The following ERBB4 variants were observed in gnomAD, a reference collection of about 807,000 sequenced individuals.
ERBB4 encodes receptor tyrosine-protein kinase erbB-4.
A neutral mutation model predicts 158.0 loss-of-function variants in ERBB4; 42 were observed. That is an observed-to-expected ratio of 0.27 (90% confidence interval 0.21 to 0.34). ERBB4 has a LOEUF of 0.34. Ranked by LOEUF, ERBB4 falls within the 10% of genes least tolerant of loss-of-function variation. ERBB4 has a pLI of 1.00. For synonymous variants in ERBB4, 583 were observed against 558.7 expected (o/e 1.04, Z -0.61); for missense variants, 1,333 against 1,624.1 (o/e 0.82, Z 3.08).
chr2:211,430,506 T>C (rs16846146), intron 21 of ERBB4, among the ~76,000 whole-genome samples: 12,236 of 152,164 alleles, frequency 0.08, 1,633 homozygotes, highest in African/African-American at 0.28. Context: ...GGGTTCTTTG[T>C]AGTACCTAAA....
intron 3 of ERBB4, among the ~76,000 whole-genome samples, chr2:211,860,190 A>G (rs543215580): frequency 6.6e-6 from 1 of 152,280 alleles, no homozygotes; most frequent in Admixed American, 6.5e-5. Flanking sequence ...AGTAAAGTAT[A>G]CCATGATTGT....
At chr2:211,606,802 T>A (rs2068997544) in intron 19 of ERBB4, among the ~76,000 whole-genome samples, 1 of 152,156 alleles carries the variant, frequency 6.6e-6, no homozygotes, top group Admixed American at 6.6e-5. Flanking sequence ...GCACATTCAT[T>A]AAGTAAGTGA....
rs550954391 is a variant in ERBB4 at position 211,545,720 on chromosome 2, G to A, written c.2487+16183C>T. Among the ~76,000 whole-genome samples, 181 of 152,064 alleles carry A rather than the reference G, an allele frequency of 1.2e-3. 1 individual carries two copies. The highest frequency in any genetic ancestry group is 1.8e-3 in the African/African-American group (76 of 41,506). On this transcript the variant is annotated intron_variant, in intron 20 of 27. Transcript: ENST00000342788. ...CTTGCTTGGGGCGATAATCATTAGC[G>A]TTCCTAGTTCCAGTTCTTGCCAGGG...
intron 16 of ERBB4, chr2:211,657,526 A>C: frequency 2.0e-6 from 1 of 511,488 alleles, no homozygotes. Flanking sequence ...AAAAAAAAGA[A>C]ATCGATGGTG....
At chr2:212,487,884 T>G (rs1191949293) in intron 1 of ERBB4, among the ~76,000 whole-genome samples, 3 of 152,168 alleles carry the variant, frequency 2.0e-5, no homozygotes. Context: ...AAATCATGAC[T>G]TTGCTCCACT....
rs943927859 is a variant in ERBB4 at position 212,013,058 on chromosome 2, C to T, written c.235-65442G>A. ...CCATGCCCAGCCAAGAAATACTTTC[C>T]TTTTTTTTTTTTTTTTGAGACAGAG... On this transcript the variant is annotated intron_variant, in intron 2 of 27. Transcript: ENST00000342788. Among the ~76,000 whole-genome samples the T allele has an allele frequency of 6.4e-4, 89 of 139,694 alleles. 1 individual carries two copies. The highest frequency in any genetic ancestry group is 3.6e-3 in the Middle Eastern group (1 of 278). 91.6% of individuals were successfully genotyped at this position (139,694 alleles called of 152,430 possible). A position where few individuals can be genotyped will look rare whatever the true frequency, so the allele number is the denominator to read the frequency against.
At chr2:211,426,962 C>T (rs1054916541) in intron 22 of ERBB4, among the ~76,000 whole-genome samples, 1 of 151,878 alleles carries the variant, frequency 6.6e-6, no homozygotes, top group Non-Finnish European at 1.5e-5. Flanking sequence ...ACACTTCTTA[C>T]AATAGTTTAG....
chr2:211,734,730 C>T (rs1378494382), intron 5 of ERBB4, among the ~76,000 whole-genome samples: 5 of 150,324 alleles, frequency 3.3e-5, no homozygotes, highest in African/African-American at 7.3e-5. Flanking sequence ...ACCATCCTGG[C>T]TAACATGGTG....
At chr2:212,095,630 A>G (rs547543885) in intron 2 of ERBB4, among the ~76,000 whole-genome samples, 17 of 152,204 alleles carry the variant, frequency 1.1e-4, no homozygotes, top group Admixed American at 1.1e-3. Flanking sequence ...TTATGACACA[A>G]TTTCTTAGAC....
chr2:211,752,654 A>G (rs1046159937), intron 4 of ERBB4, among the ~76,000 whole-genome samples: 4 of 152,186 alleles, frequency 2.6e-5, no homozygotes, highest in Middle Eastern at 3.4e-3. Context: ...TACTCGATTA[A>G]TTTTTTAACT....
intron 19 of ERBB4, 56 bp from the exon 20 acceptor site, chr2:211,562,144 G>T: frequency 1.3e-6 from 2 of 1,486,384 alleles, no homozygotes; most frequent in Non-Finnish European, 1.9e-6. Flanking sequence ...TAGATTTAGA[G>T]TTACTTGGAT....
chr2:211,425,053 C>T (rs1346183736), intron 22 of ERBB4, among the ~76,000 whole-genome samples: 3 of 152,024 alleles, frequency 2.0e-5, no homozygotes, highest in Non-Finnish European at 4.4e-5. Context: ...AATGATGGTT[C>T]TGATTTGAGC....
In ERBB4 at chr2:211,660,945, T is replaced by A. The variant is rs192932844; in HGVS notation, c.1872-3117A>T. Among the ~76,000 whole-genome samples, 486 of 152,256 alleles carry A rather than the reference T, an allele frequency of 3.2e-3. 3 individuals are homozygous for A. Among genetic ancestry groups the A allele is most frequent in the African/African-American group, 0.011 (442 of 41,544 alleles). On this transcript the variant is annotated intron_variant, in intron 15 of 27. Transcript: ENST00000342788. ...TGAAAGGCAGAGAAGTCTGGTAAAATAACTCTTAAGATAATTTTACTTGTC... is the reference window on the plus strand; with the variant it reads ...TGAAAGGCAGAGAAGTCTGGTAAAAAAACTCTTAAGATAATTTTACTTGTC...
intron 1 of ERBB4, among the ~76,000 whole-genome samples, chr2:212,428,292 A>T (rs1471862644): frequency 1.3e-5 from 2 of 152,122 alleles, no homozygotes; most frequent in Non-Finnish European, 2.9e-5. Flanking sequence ...GCTTTAATTC[A>T]TCTTTCTTAT....
chr2:212,475,097 G>A (rs1381260398), intron 1 of ERBB4, among the ~76,000 whole-genome samples: 2 of 151,996 alleles, frequency 1.3e-5, no homozygotes, highest in Non-Finnish European at 2.9e-5. Context: ...TATCACCTAA[G>A]CCCTCAAGTA....
At chr2:212,133,648 A>G (rs1474361035) in intron 1 of ERBB4, among the ~76,000 whole-genome samples, 2 of 141,174 alleles carry the variant, frequency 1.4e-5, no homozygotes, top group Non-Finnish European at 3.1e-5. Flanking sequence ...AACTAGAATG[A>G]AAAAAAAAAA....
At position 212,256,564 on chromosome 2, in the gene ERBB4, T is replaced by C. The variant is rs374521960; in HGVS notation, c.83-131661A>G. Among the ~76,000 whole-genome samples, 5 of 152,188 alleles carry C rather than the reference T, an allele frequency of 3.3e-5. No homozygotes were observed. In the South Asian group the frequency reaches 1.0e-3, roughly 31 times the overall value. On this transcript the variant is annotated intron_variant, in intron 1 of 27. Transcript: ENST00000342788. Reference sequence around the variant, plus strand: ...AAGGGAGGTGGTGTTATTAAACATTTATTAAGGATCTGCACATATTAAGCA... The same window carrying C: ...AAGGGAGGTGGTGTTATTAAACATTCATTAAGGATCTGCACATATTAAGCA...
rs375215289 is a variant in ERBB4, at chr2:211,378,047, C to T, written c.*5568G>A. ...GTAGGATCTCAGAGATCCACTATGG[C>T]TTAAGAAAGGAACAGGACAGCATCG... On this transcript the variant is annotated 3_prime_UTR_variant, in exon 28 of 28. Coordinates refer to ENST00000342788, the MANE Select transcript of ERBB4 (RefSeq NM_005235.3). The T allele has an allele frequency of 2.6e-5, 6 of 233,042 alleles. No homozygotes were observed. The South Asian group carries it at 9.1e-4, about 35-fold the overall frequency. The allele number at this position is 233,042 out of a possible 1,614,324, so 14.4% of individuals were successfully genotyped here.
At chr2:212,203,285 T>C (rs1160696730) in intron 1 of ERBB4, among the ~76,000 whole-genome samples, 5 of 152,076 alleles carry the variant, frequency 3.3e-5, no homozygotes, top group Non-Finnish European at 5.9e-5. Flanking sequence ...AAATTAGCTA[T>C]ACAGGTGTAA....
Sources: gnomAD v4.1 joint callset for allele counts (sites outside exome capture counted in the v4.1 genomes callset) on GRCh38, gnomAD v4.1.1 for gene constraint, MANE v1.5 for transcripts, NCBI Gene and HGNC (gene_info 2026-07-23, HGNC 2026-07-21) for gene names.